HHIP: variants seen among roughly 807,000 people sequenced by gnomAD.
The protein encoded by HHIP is hedgehog interacting protein.
Under a neutral mutation model 74.0 loss-of-function variants are expected in HHIP, and 12 were observed. The ratio of observed to expected loss-of-function variants is 0.16; its 90% CI spans 0.10 to 0.26. HHIP has a LOEUF of 0.26. Ranked by LOEUF, HHIP falls within the 10% of genes least tolerant of loss-of-function variation. The pLI is 1.00. For synonymous variants in HHIP, 309 were observed against 311.6 expected (o/e 0.99, Z 0.09); for missense variants, 788 against 845.0 (o/e 0.93, Z 0.84).
At chr4:144,703,326 GC>G (rs1730043478) in intron 4 of HHIP, among the ~76,000 whole-genome samples, 1 of 151,904 alleles carries the variant, frequency 6.6e-6, no homozygotes, top group East Asian at 1.9e-4. Context: ...TCCCTTTTTA[GC>G]CAGCTTGGCT....
chr4:144,686,110 T>C (rs1729477884), intron 4 of HHIP, among the ~76,000 whole-genome samples: 3 of 152,204 alleles, frequency 2.0e-5, no homozygotes, highest in African/African-American at 4.8e-5. Flanking sequence ...ACTGCTTTCT[T>C]GGAACAGCTT....
At chr4:144,706,785 G>T in intron 5 of HHIP, 103 bp downstream of exon 5, 1 of 1,051,778 alleles carries the variant, frequency 9.5e-7, no homozygotes, top group Non-Finnish European at 1.4e-6. Flanking sequence ...TAACCATAAG[G>T]TGGCAATAAT....
Position 144,739,618 on chromosome 4 carries a change from TATG to T in HHIP, c.*1664_*1666del, listed in dbSNP as rs1234853028. The T allele has an allele frequency of 3.9e-5, 6 of 152,242 alleles. No homozygotes were observed. The highest frequency in any genetic ancestry group is 1.4e-4 in the African/African-American group (6 of 41,472). The allele number at this position is 152,242 out of a possible 1,614,324, so 9.4% of individuals were successfully genotyped here. A position where few individuals can be genotyped will look rare whatever the true frequency, so the allele number is the denominator to read the frequency against. On this transcript the variant is annotated 3_prime_UTR_variant, in exon 13 of 13. Transcript: ENST00000296575. ...AAGTACACTGCTCTTGTCTTCCATA[TATG>T]ATTACTTAAGTTTCAAGTGACCTCA...
At chr4:144,671,953 C>T (rs1343016615) in intron 4 of HHIP, among the ~76,000 whole-genome samples, 1 of 152,162 alleles carries the variant, frequency 6.6e-6, no homozygotes, top group Non-Finnish European at 1.5e-5. Flanking sequence ...CATTGCACTC[C>T]AGCCCAGGCA....
At chr4:144,699,063 A>G (rs937264301) in intron 4 of HHIP, among the ~76,000 whole-genome samples, 6 of 152,104 alleles carry the variant, frequency 3.9e-5, no homozygotes, top group African/African-American at 1.4e-4. Flanking sequence ...AATTTGATTT[A>G]GTTCAATTCA....
At chr4:144,735,516 A>G (rs147492803) in intron 12 of HHIP, among the ~76,000 whole-genome samples, 26 of 152,280 alleles carry the variant, frequency 1.7e-4, no homozygotes, top group African/African-American at 6.0e-4. Context: ...TAGTTCCTCA[A>G]TTATGTGCAA....
intron 11 of HHIP, among the ~76,000 whole-genome samples, chr4:144,726,611 A>C (rs990997870): frequency 5.9e-5 from 9 of 152,220 alleles, no homozygotes; most frequent in African/African-American, 2.2e-4. Flanking sequence ...GTTCTGCTAC[A>C]GTGCAAATTT....
At chr4:144,654,694 A>C (rs1013290620) in intron 2 of HHIP, among the ~76,000 whole-genome samples, 3 of 152,222 alleles carry the variant, frequency 2.0e-5, no homozygotes, top group Non-Finnish European at 4.4e-5. Flanking sequence ...CCAGCACAGA[A>C]GTGTCTTTAC....
In HHIP at chr4:144,738,438, A is replaced by G. The variant is rs182056946; in HGVS notation, c.*481A>G. The stretch of plus-strand genomic sequence containing the variant: ...GGAGAGAATGTTTCAGAACTCCCTG[A>G]TGAATTTCTAAGTGAGCAACTTGAT... On this transcript the variant is annotated 3_prime_UTR_variant, in exon 13 of 13. Coordinates refer to ENST00000296575, the MANE Select transcript of HHIP (RefSeq NM_022475.3). 369 of 975,706 alleles carry G rather than the reference A, an allele frequency of 3.8e-4. 3 individuals carry two copies. In the African/African-American group the frequency reaches 5.9e-3, roughly 16 times the overall value. 60.4% of individuals were successfully genotyped at this position (975,706 alleles called of 1,614,324 possible).
intron 11 of HHIP, among the ~76,000 whole-genome samples, chr4:144,733,443 G>C (rs554630636): frequency 6.6e-6 from 1 of 152,182 alleles, no homozygotes; most frequent in South Asian, 2.1e-4. Flanking sequence ...ATATGGTTTT[G>C]AGTCATTGTA....
rs1194337248 is a variant in HHIP, at chr4:144,739,620, T to TAA, written c.*1663_*1664insAA. The TAA allele has an allele frequency of 6.6e-6, 1 of 152,216 alleles. No individual in the cohort carries two copies. The highest frequency in any genetic ancestry group is 1.5e-5 in the Non-Finnish European group (1 of 68,038). The allele number at this position is 152,216 out of a possible 1,614,324, so 9.4% of individuals were successfully genotyped here. On this transcript the variant is annotated 3_prime_UTR_variant, in exon 13 of 13. Transcript: ENST00000296575. ...GTACACTGCTCTTGTCTTCCATATA[T>TAA]GATTACTTAAGTTTCAAGTGACCTC...
chr4:144,735,615 A>G (rs987764132), intron 12 of HHIP, among the ~76,000 whole-genome samples: 1 of 152,198 alleles, frequency 6.6e-6, no homozygotes, highest in African/African-American at 2.4e-5. Flanking sequence ...AAAATGCATA[A>G]TCAACAACCA....
chr4:144,646,599 G>T lies in HHIP; in HGVS notation c.-77G>T. The T allele has an allele frequency of 6.8e-7, 1 of 1,471,900 alleles. No homozygotes were observed. The highest frequency in any genetic ancestry group is 9.2e-7 in the Non-Finnish European group (1 of 1,083,774). The allele number at this position is 1,471,900 out of a possible 1,614,324, so 91.2% of individuals were successfully genotyped here. A position where few individuals can be genotyped will look rare whatever the true frequency, so the allele number is the denominator to read the frequency against. On this transcript the variant is annotated 5_prime_UTR_variant, in exon 1 of 13. Coordinates refer to ENST00000296575, the MANE Select transcript of HHIP (RefSeq NM_022475.3). ...AGCCCCGCAAACTCCTCCTGGAGCT[G>T]CGCCCTAGTGCCCCTGCTGGGCAGT...
chr4:144,648,627 T>G (rs1437361718), intron 1 of HHIP: 1 of 152,130 alleles, frequency 6.6e-6, no homozygotes, highest in Non-Finnish European at 1.5e-5. Context: ...AGAGAAAAGT[T>G]TAGAAATATT....
intron 4 of HHIP, among the ~76,000 whole-genome samples, chr4:144,687,491 A>C (rs1729523155): frequency 6.6e-6 from 1 of 152,196 alleles, no homozygotes; most frequent in African/African-American, 2.4e-5. Flanking sequence ...AATTTCACAG[A>C]GGATATTTTT....
intron 6 of HHIP, 84 bp from the exon 7 acceptor site, chr4:144,708,084 C>T: frequency 1.4e-6 from 2 of 1,415,786 alleles, no homozygotes; most frequent in Non-Finnish European, 2.0e-6. Context: ...ATTTTTTCAT[C>T]AATAGAGCAA....
intron 6 of HHIP, among the ~76,000 whole-genome samples, chr4:144,707,757 G>A (rs1057019680): frequency 8.0e-5 from 12 of 150,732 alleles, no homozygotes; most frequent in African/African-American, 2.2e-4. Context: ...CCACAATAAG[G>A]AATTTATTTT....
At chr4:144,710,111 T>C (rs1730251748) in intron 7 of HHIP, among the ~76,000 whole-genome samples, 1 of 152,224 alleles carries the variant, frequency 6.6e-6, no homozygotes, top group South Asian at 2.1e-4. Context: ...AAGCAGTTCT[T>C]AGTGGACCTG....
At chr4:144,692,670 G>A (rs567067014) in intron 4 of HHIP, among the ~76,000 whole-genome samples, 30 of 152,200 alleles carry the variant, frequency 2.0e-4, no homozygotes, top group Non-Finnish European at 3.7e-4. Context: ...TATGTATAGC[G>A]TTACTTGTGT....
Sources: allele counts gnomAD v4.1 joint callset (sites outside exome capture counted in the v4.1 genomes callset), GRCh38; gene constraint gnomAD v4.1.1; transcripts MANE v1.5; gene names NCBI Gene and HGNC (gene_info 2026-07-23, HGNC 2026-07-21).